SELENBP1: variants seen among roughly 807,000 people sequenced by gnomAD.
The protein encoded by SELENBP1 is selenium binding protein 1.
SELENBP1 carries 71 observed loss-of-function variants against 61.0 expected under a neutral mutation model. The observed-to-expected ratio is 1.16, with a 90% CI of 0.96 to 1.42. The LOEUF (loss-of-function observed/expected upper bound fraction) is 1.42. SELENBP1 is among the 40% of genes most tolerant of loss of function. The pLI, the probability that SELENBP1 is intolerant of heterozygous loss-of-function variation, is 0.00. For synonymous variants in SELENBP1, 270 were observed against 238.9 expected (o/e 1.13, Z -1.20); for missense variants, 561 against 605.0 (o/e 0.93, Z 0.76).
In SELENBP1 at chr1:151,366,304, A is replaced by G; in HGVS notation, c.814T>C (p.Ser272Pro). The change falls in exon 7 of 12, where the codon TCC becomes CCC. Residue 272 changes from serine to proline, a missense_variant. Transcript: ENST00000368868. ...AQGFVGCALSSTIQRFYKNEG... is the reference protein window; with the variant it reads ...AQGFVGCALSPTIQRFYKNEG... ...TTCTTGTAGAAGCGCTGGATGGTGG[A>G]GCTGAGTGCGCAGCCCACAAAGCCT... 1 of 1,613,996 alleles carries G rather than the reference A, an allele frequency of 6.2e-7. No individual in the cohort carries two copies.
intron 11 of SELENBP1, 83 bp downstream of exon 11, chr1:151,364,843 C>A: frequency 1.3e-6 from 2 of 1,514,536 alleles, no homozygotes; most frequent in Non-Finnish European, 1.8e-6. Flanking sequence ...GTACAGGGGT[C>A]TCCTTGAGGA....
chr1:151,365,427 G>A lies in SELENBP1; in HGVS notation c.1044+136C>T, dbSNP rs115799503. ...CTGGCCTGGACAGTCCTGGGCCTGT[G>A]CTGTCCCACAGCACACATGTCTGCT... On this transcript the variant is annotated intron_variant, in intron 9 of 11. Coordinates refer to ENST00000368868, the MANE Select transcript of SELENBP1 (RefSeq NM_003944.4). The A allele has an allele frequency of 1.7e-3, 2,605 of 1,503,614 alleles. 28 individuals are homozygous for A. The African/African-American group carries it at 0.03, about 17-fold the overall frequency. The allele number at this position is 1,503,614 out of a possible 1,614,324, so 93.1% of individuals were successfully genotyped here. A position where few individuals can be genotyped will look rare whatever the true frequency, so the allele number is the denominator to read the frequency against.
At chr1:151,367,561 A>T (rs1651913734) in intron 5 of SELENBP1, among the ~76,000 whole-genome samples, 1 of 151,948 alleles carries the variant, frequency 6.6e-6, no homozygotes, top group Non-Finnish European at 1.5e-5. Flanking sequence ...AGCACCTGGT[A>T]TTTCTCTTGT....
intron 6 of SELENBP1, 58 bp downstream of exon 6, chr1:151,366,664 G>A: frequency 1.9e-6 from 3 of 1,578,082 alleles, no homozygotes; most frequent in Non-Finnish European, 2.6e-6. Flanking sequence ...GAGATTTGGA[G>A]CAGAAAGCAA....
In SELENBP1 at chr1:151,369,048, C is replaced by A. The variant is rs766102158; in HGVS notation, c.316G>T (p.Val106Leu). 2 of 1,613,916 alleles carry A rather than the reference C, an allele frequency of 1.2e-6. No homozygotes were observed. The highest frequency in any genetic ancestry group is 2.2e-5 in the South Asian group (2 of 91,074). Residue 106 changes from valine (V) to leucine (L), a missense_variant, in exon 4 of 12, where the codon GTG becomes TTG. Coordinates refer to ENST00000368868, the MANE Select transcript of SELENBP1 (RefSeq NM_003944.4). ...LPSLISSRIY[V>L]VDVGSEPRAP... ...CGGGGCTCAGAGCCCACGTCCACCA[C>A]ATAGATGCGAGAGGAGATGAGACTG...
Position 151,366,801 on chromosome 1 carries a change from T to C in SELENBP1, c.585A>G (p.Arg195=), listed in dbSNP as rs752144357. The change falls in exon 6 of 12, where the codon CGA becomes CGG. Residue 195 remains arginine (R), a synonymous_variant. Coordinates refer to ENST00000368868, the MANE Select transcript of SELENBP1 (RefSeq NM_003944.4). The stretch of plus-strand genomic sequence containing the variant: ...ACTCAGTGCTGATCATGACATTGTG[T>C]CGAGGCTGGTACCAGAAGTCATAGC... ...PLGYDFWYQP[R]HNVMISTEWA... The C allele has an allele frequency of 6.2e-7, 1 of 1,614,096 alleles. No homozygotes were observed. Among genetic ancestry groups the C allele is most frequent in the Non-Finnish European group, 8.5e-7 (1 of 1,180,018 alleles).
Position 151,365,963 on chromosome 1 carries a change from C to A in SELENBP1, c.844-117G>T, listed in dbSNP as rs1053119122. The A allele has an allele frequency of 7.3e-6, 8 of 1,099,362 alleles. No homozygotes were observed. In the East Asian group the frequency reaches 1.7e-4, roughly 23 times the overall value. 68.1% of individuals were successfully genotyped at this position (1,099,362 alleles called of 1,614,324 possible). A position where few individuals can be genotyped will look rare whatever the true frequency, so the allele number is the denominator to read the frequency against. On this transcript the variant is annotated intron_variant, in intron 7 of 11. Coordinates refer to ENST00000368868, the MANE Select transcript of SELENBP1 (RefSeq NM_003944.4). ...TGGGAGGGAGAGAATAGATGCCCGG[C>A]CTTCTTGCCAGCAGGATCTAACTCC...
Position 151,369,199 on chromosome 1 carries a change from G to C in SELENBP1, c.175-10C>G, listed in dbSNP as rs200595606. 5 of 1,603,334 alleles carry C rather than the reference G, an allele frequency of 3.1e-6. No individual in the cohort carries two copies. The highest frequency in any genetic ancestry group is 4.3e-6 in the Non-Finnish European group (5 of 1,171,936). On this transcript the variant is annotated splice_polypyrimidine_tract_variant and intron_variant, in intron 3 of 11. Coordinates refer to ENST00000368868, the MANE Select transcript of SELENBP1 (RefSeq NM_003944.4). The stretch of plus-strand genomic sequence containing the variant: ...GCAGCCGGTGGATGACCTAGGATGC[G>C]GGGAGAGGTGGTGCTCCCCCAGGCC...
chr1:151,365,079 A>G, intron 10 of SELENBP1, 35 bp from the exon 11 acceptor site: 4 of 1,592,282 alleles, frequency 2.5e-6, no homozygotes, highest in Non-Finnish European at 3.4e-6. Flanking sequence ...CCAGGGTAAC[A>G]CACAGATCCT....
Position 151,365,269 on chromosome 1 carries a change from C to G in SELENBP1, c.1057G>C (p.Gly353Arg). The change falls in exon 10 of 12, where the codon GGC (glycine) becomes CGC (arginine). Residue 353 changes from glycine (G) to arginine (R), a missense_variant. Transcript: ENST00000368868. ...ACAGGGCCTCCCTTAACAATGCTGC[C>G]TCCGAGGAAGAGCTAGATGGGGAGG... ...PRLTGQLFLG[G>R]SIVKGGPVQV... 1 of 1,612,548 alleles carries G rather than the reference C, an allele frequency of 6.2e-7. No individual in the cohort carries two copies. The highest frequency in any genetic ancestry group is 8.5e-7 in the Non-Finnish European group (1 of 1,179,344).
intron 6 of SELENBP1, 116 bp from the exon 7 acceptor site, chr1:151,366,569 A>G (rs2102092977): frequency 7.1e-7 from 1 of 1,418,390 alleles, no homozygotes; most frequent in Non-Finnish European, 9.7e-7. Flanking sequence ...GGGATCAGGA[A>G]GACGCTTGAG....
At position 151,365,445 on chromosome 1, in the gene SELENBP1, T is replaced by C. The variant is rs970729068; in HGVS notation, c.1044+118A>G. 1.1e-5 allele frequency: 17 copies of C among 1,539,018 alleles called. No homozygotes were observed. The Admixed American group carries it at 2.1e-4, about 19-fold the overall frequency. ...GGCCTGTGCTGTCCCACAGCACACATGTCTGCTTTTCCTGCACCTCCCTCA... is the reference window on the plus strand; with the variant it reads ...GGCCTGTGCTGTCCCACAGCACACACGTCTGCTTTTCCTGCACCTCCCTCA... On this transcript the variant is annotated intron_variant, in intron 9 of 11. Coordinates refer to ENST00000368868, the MANE Select transcript of SELENBP1 (RefSeq NM_003944.4).
At position 151,369,517 on chromosome 1, in the gene SELENBP1, G is replaced by A. The variant is rs1306811990; in HGVS notation, c.99C>T (p.Tyr33=). The A allele has an allele frequency of 6.2e-7, 1 of 1,611,424 alleles. No individual in the cohort carries two copies. The part of the protein sequence containing the change: ...REEIVYLPCI[Y]RNTGTEAPDY... ...CTGGGGCCTCAGTGCCTGTGTTTCGGTAAATGCAGGGCAGGTAGACGATCT... is the reference window on the plus strand; with the variant it reads ...CTGGGGCCTCAGTGCCTGTGTTTCGATAAATGCAGGGCAGGTAGACGATCT... Residue 33 remains tyrosine, a synonymous_variant, in exon 3 of 12, where the codon TAC becomes TAT. Coordinates refer to ENST00000368868, the MANE Select transcript of SELENBP1 (RefSeq NM_003944.4).
At chr1:151,368,061 T>C in intron 5 of SELENBP1, 138 bp downstream of exon 5, 1 of 1,107,666 alleles carries the variant, frequency 9.0e-7, no homozygotes, top group Non-Finnish European at 1.3e-6. Flanking sequence ...TTTAAAATAC[T>C]GGCTGGGATC....
intron 9 of SELENBP1, 56 bp downstream of exon 9, chr1:151,365,507 C>T (rs200741855): frequency 1.2e-4 from 188 of 1,609,938 alleles, no homozygotes; most frequent in Non-Finnish European, 1.5e-4. Flanking sequence ...CACCCCATCC[C>T]CAGCTTCTCT....
intron 11 of SELENBP1, 36 bp from the exon 12 acceptor site, chr1:151,364,741 G>T (rs1651708533): frequency 6.5e-7 from 1 of 1,544,828 alleles, no homozygotes; most frequent in African/African-American, 1.4e-5. Context: ...GGAGAGGTCA[G>T]AGGTGGCTGC....
chr1:151,370,226 G>A, intron 1 of SELENBP1: 1 of 328,220 alleles, frequency 3.0e-6, no homozygotes, highest in Non-Finnish European at 6.0e-6. Context: ...GGGTGCAGTA[G>A]GTGTGCAGCT....
At chr1:151,366,507 T>C (rs1651829873) in intron 6 of SELENBP1, 54 bp from the exon 7 acceptor site, 2 of 1,582,476 alleles carry the variant, frequency 1.3e-6, no homozygotes, top group Non-Finnish European at 1.7e-6. Context: ...TTGGAAGGCA[T>C]GGGCAAAGAC....
chr1:151,368,125 T>TC lies in SELENBP1; in HGVS notation c.481+73dup, dbSNP rs1651950497. Reference sequence around the variant, plus strand: ...TTCCAACCCTCCCCTTCCATTCTGCTCCTCCCACAGAAAAATGCTTCCCAC... The same window carrying TC: ...TTCCAACCCTCCCCTTCCATTCTGCTCCCTCCCACAGAAAAATGCTTCCCAC... On this transcript the variant is annotated intron_variant, in intron 5 of 11. Transcript: ENST00000368868. The TC allele has an allele frequency of 1.9e-6, 3 of 1,573,588 alleles. No homozygotes were observed. In the South Asian group the frequency reaches 3.4e-5, roughly 18 times the overall value.
Sources: gnomAD v4.1 joint callset for allele counts (sites outside exome capture counted in the v4.1 genomes callset) on GRCh38, gnomAD v4.1.1 for gene constraint, MANE v1.5 for transcripts, NCBI Gene and HGNC (gene_info 2026-07-23, HGNC 2026-07-21) for gene names.